Variants in CHAT observed in about 807,000 individuals in gnomAD.
CHAT encodes the protein acetyl CoA:choline O-acetyltransferase.
In CHAT, 61 loss-of-function variants were observed where a neutral mutation model predicts 76.9. The ratio of observed to expected loss-of-function variants is 0.79; its 90% CI spans 0.65 to 0.98. The LOEUF (loss-of-function observed/expected upper bound fraction) is 0.98, where lower values mean the gene tolerates loss of function less well. CHAT is among the 50% of genes least tolerant of loss of function. The pLI, the probability that CHAT is intolerant of heterozygous loss-of-function variation, is 0.00. For synonymous variants in CHAT, 407 were observed against 397.4 expected, an observed-to-expected ratio of 1.02 and a Z score of -0.29; for missense variants, 946 against 986.9, an observed-to-expected ratio of 0.96 and a Z score of 0.56.
intron 6 of CHAT, among the ~76,000 whole-genome samples, chr10:49,625,897 T>C (rs1838904044): frequency 6.6e-6 from 1 of 152,180 alleles, no homozygotes; most frequent in Non-Finnish European, 1.5e-5. Context: ...TCAGCACTGA[T>C]GCACTGAGGG....
chr10:49,655,553 G>C, intron 13 of CHAT, 105 bp downstream of exon 13: 1 of 1,061,892 alleles, frequency 9.4e-7, no homozygotes. Flanking sequence ...CCAGCCACCT[G>C]TTACTCGGGG....
rs140147030 is a variant in CHAT at position 49,651,110 on chromosome 10, G to A, written c.1512-774G>A. Among the ~76,000 whole-genome samples, 950 of 152,166 alleles carry A rather than the reference G, an allele frequency of 6.2e-3. 10 individuals are homozygous for A. Among genetic ancestry groups the A allele is most frequent in the African/African-American group, 0.021 (880 of 41,508 alleles). On this transcript the variant is annotated intron_variant, in intron 10 of 14. Coordinates refer to ENST00000337653, the MANE Select transcript of CHAT (RefSeq NM_020549.5). Reference sequence around the variant, plus strand: ...GGGCCCATACAAGTGGGTGAGGCCCGAGTGGGCACAGCTTGGGGGAGAGAT... The same window carrying A: ...GGGCCCATACAAGTGGGTGAGGCCCAAGTGGGCACAGCTTGGGGGAGAGAT...
chr10:49,648,656 T>C, intron 9 of CHAT, 49 bp downstream of exon 9: 2 of 1,318,330 alleles, frequency 1.5e-6, no homozygotes, highest in Non-Finnish European at 1.1e-6. Context: ...AAAATGTGGG[T>C]GGTCGCTGGG....
chr10:49,612,644 A>C, upstream of CHAT: 2 of 357,448 alleles, frequency 5.6e-6, no homozygotes, highest in Admixed American at 4.7e-5. Flanking sequence ...CCTTCCTTCC[A>C]TTGCTCCCAG....
chr10:49,616,681 G>A, intron 2 of CHAT, 79 bp downstream of exon 2: 3 of 1,031,666 alleles, frequency 2.9e-6, no homozygotes, highest in Non-Finnish European at 4.5e-6. Context: ...TCCTGAGTGG[G>A]ACTGGCCCCC....
chr10:49,663,864 T>C (rs1797642022), intron 14 of CHAT, among the ~76,000 whole-genome samples: 1 of 152,228 alleles, frequency 6.6e-6, no homozygotes, highest in African/African-American at 2.4e-5. Context: ...AAAAAGTGCT[T>C]TGGAATGGCT....
chr10:49,664,645 C>A, intron 14 of CHAT, 132 bp from the exon 15 acceptor site: 1 of 1,146,364 alleles, frequency 8.7e-7, no homozygotes. Flanking sequence ...CTGTGTCCAT[C>A]CATGCTAAAG....
intron 7 of CHAT, among the ~76,000 whole-genome samples, chr10:49,646,133 G>A (rs1839652869): frequency 6.6e-6 from 1 of 152,276 alleles, no homozygotes; most frequent in Non-Finnish European, 1.5e-5. Context: ...GGAGGGTGCT[G>A]TTGGGTGGGG....
At chr10:49,653,839 T>G (rs1839953524) in intron 11 of CHAT, among the ~76,000 whole-genome samples, 1 of 152,218 alleles carries the variant, frequency 6.6e-6, no homozygotes, top group Admixed American at 6.5e-5. Context: ...TCGGGACCTC[T>G]CTACTATGAG....
chr10:49,655,519 C>T lies in CHAT; in HGVS notation c.1839+71C>T, dbSNP rs7076926. On this transcript the variant is annotated intron_variant, in intron 13 of 14. Coordinates refer to ENST00000337653, the MANE Select transcript of CHAT (RefSeq NM_020549.5). The stretch of plus-strand genomic sequence containing the variant: ...CTGGGGCCTGCCAGAATGGGCACCA[C>T]GGCATAAGACCCTGTGTGAGGGCCC... 1,264,976 of 1,438,094 alleles carry T rather than the reference C, an allele frequency of 0.88. 559,778 individuals carry two copies. The highest frequency in any genetic ancestry group is 0.91 in the Non-Finnish European group (929,854 of 1,022,514). 89.1% of individuals were successfully genotyped at this position (1,438,094 alleles called of 1,614,324 possible).
chr10:49,633,902 C>T (rs1362997155), intron 7 of CHAT, among the ~76,000 whole-genome samples: 2 of 152,150 alleles, frequency 1.3e-5, no homozygotes, highest in African/African-American at 2.4e-5. Flanking sequence ...TGACAGAAGG[C>T]GGCTACAGCT....
intron 13 of CHAT, 60 bp from the exon 14 acceptor site, chr10:49,662,585 G>A: frequency 6.2e-7 from 1 of 1,605,904 alleles, no homozygotes; most frequent in Non-Finnish European, 8.5e-7. Context: ...ACAGAGCAGG[G>A]AACAAGGAGG....
At chr10:49,656,912 G>A (rs1470842336) in intron 13 of CHAT, among the ~76,000 whole-genome samples, 2 of 152,080 alleles carry the variant, frequency 1.3e-5, no homozygotes, top group Admixed American at 6.6e-5. Context: ...GAAACTCTTC[G>A]CGCATGGTGG....
At chr10:49,660,729 C>A (rs1281222045) in intron 13 of CHAT, among the ~76,000 whole-genome samples, 1 of 151,974 alleles carries the variant, frequency 6.6e-6, no homozygotes, top group Non-Finnish European at 1.5e-5. Context: ...CAAAGCATTG[C>A]CATAGGGTTG....
intron 7 of CHAT, among the ~76,000 whole-genome samples, chr10:49,636,596 T>C (rs1839301596): frequency 6.6e-6 from 1 of 152,252 alleles, no homozygotes; most frequent in South Asian, 2.1e-4. Flanking sequence ...AAATGTGGTA[T>C]CAATTCTTCC....
At chr10:49,657,939 T>C (rs887482090) in intron 13 of CHAT, among the ~76,000 whole-genome samples, 2 of 152,242 alleles carry the variant, frequency 1.3e-5, no homozygotes, top group Non-Finnish European at 2.9e-5. Flanking sequence ...GGTTAACAAA[T>C]ACATTATCAT....
intron 7 of CHAT, among the ~76,000 whole-genome samples, chr10:49,634,064 A>G (rs1839215420): frequency 6.6e-6 from 1 of 152,184 alleles, no homozygotes; most frequent in African/African-American, 2.4e-5. Flanking sequence ...TGGCCCAGAA[A>G]TACCTCCCGA....
upstream of CHAT, chr10:49,611,940 A>C (rs1243378683): frequency 6.2e-7 from 1 of 1,612,508 alleles, no homozygotes; most frequent in East Asian, 2.2e-5. Context: ...TCGACACAGC[A>C]CTGCTGCCCA....
Position 49,619,921 on chromosome 10 carries a change from G to A in CHAT, c.579+5G>A. ...CAGGAGAAGACAGCCAACTGGGTAA[G>A]AGGGGCAGACAAGGAACCCATAGAA... On this transcript the variant is annotated splice_donor_5th_base_variant and intron_variant, in intron 3 of 14. Transcript: ENST00000337653. 6.2e-7 allele frequency: 1 copy of A among 1,609,736 alleles called. No homozygotes were observed. Among genetic ancestry groups the A allele is most frequent in the Non-Finnish European group, 8.5e-7 (1 of 1,178,530 alleles).
Sources: allele counts gnomAD v4.1 joint callset (sites outside exome capture counted in the v4.1 genomes callset), GRCh38; gene constraint gnomAD v4.1.1; transcripts MANE v1.5; gene names NCBI Gene and HGNC (gene_info 2026-07-23, HGNC 2026-07-21).